ETV6: variants seen among roughly 807,000 people sequenced by gnomAD.
The protein encoded by ETV6 is ETS variant transcription factor 6.
Under a neutral mutation model 51.1 loss-of-function variants are expected in ETV6, and 16 were observed. The observed-to-expected ratio is 0.31, with a 90% CI of 0.21 to 0.48. The LOEUF is 0.48. Ranked by LOEUF, ETV6 falls within the 20% of genes least tolerant of loss-of-function variation. The pLI is 0.99. For synonymous variants in ETV6, 240 were observed against 224.1 expected (o/e 1.07, Z -0.64); for missense variants, 458 against 594.8 (o/e 0.77, Z 2.39).
At chr12:11,875,933 C>T (rs530345079) in intron 5 of ETV6, among the ~76,000 whole-genome samples, 6 of 152,304 alleles carry the variant, frequency 3.9e-5, no homozygotes, top group African/African-American at 1.2e-4. Flanking sequence ...ACACCTAAAA[C>T]ATTTATTAGT....
At chr12:11,705,457 A>G (rs1865056933) in intron 1 of ETV6, among the ~76,000 whole-genome samples, 1 of 152,198 alleles carries the variant, frequency 6.6e-6, no homozygotes, top group Non-Finnish European at 1.5e-5. Flanking sequence ...CGATTAGATT[A>G]TCTGCATTGG....
At chr12:11,809,802 A>C (rs1308448885) in intron 2 of ETV6, among the ~76,000 whole-genome samples, 1 of 142,510 alleles carries the variant, frequency 7.0e-6, no homozygotes, top group Non-Finnish European at 1.5e-5. Flanking sequence ...GGGAGGGAAT[A>C]GAGCTTCTGC....
intron 2 of ETV6, among the ~76,000 whole-genome samples, chr12:11,817,614 G>A (rs533789632): frequency 2.0e-5 from 3 of 152,226 alleles, no homozygotes; most frequent in South Asian, 2.1e-4. Flanking sequence ...TGTAGGGTAC[G>A]TTCCATTTTA....
intron 2 of ETV6, among the ~76,000 whole-genome samples, chr12:11,824,514 C>T (rs1946125609): frequency 6.6e-6 from 1 of 152,288 alleles, no homozygotes; most frequent in Admixed American, 6.5e-5. Context: ...CATGGTGGCT[C>T]ACGCCTATAA....
intron 2 of ETV6, among the ~76,000 whole-genome samples, chr12:11,785,415 A>C (rs1945471646): frequency 6.6e-6 from 1 of 152,078 alleles, no homozygotes; most frequent in Non-Finnish European, 1.5e-5. Context: ...CATTTGACAC[A>C]GTGTATATTT....
intron 4 of ETV6, among the ~76,000 whole-genome samples, chr12:11,857,490 A>AT (rs1946649260): frequency 6.6e-6 from 1 of 152,124 alleles, no homozygotes; most frequent in Non-Finnish European, 1.5e-5. Flanking sequence ...AAAAACCAGC[A>AT]TTTTCACTCT....
intron 1 of ETV6, among the ~76,000 whole-genome samples, chr12:11,686,674 T>C (rs1864635157): frequency 6.6e-6 from 1 of 151,762 alleles, no homozygotes; most frequent in Non-Finnish European, 1.5e-5. Context: ...ACTACAGGCA[T>C]GTGCCGCCAC....
chr12:11,687,966 C>G (rs922183441), intron 1 of ETV6, among the ~76,000 whole-genome samples: 2 of 152,216 alleles, frequency 1.3e-5, no homozygotes, highest in Non-Finnish European at 2.9e-5. Context: ...TACAGGTATT[C>G]GCTCATTTAT....
intron 2 of ETV6, among the ~76,000 whole-genome samples, chr12:11,792,642 G>T (rs1208791004): frequency 2.6e-5 from 4 of 151,326 alleles, no homozygotes; most frequent in Non-Finnish European, 5.9e-5. Context: ...AGCTGAGATT[G>T]TGCCACTGCA....
intron 2 of ETV6, among the ~76,000 whole-genome samples, chr12:11,755,363 A>C (rs1944991370): frequency 6.6e-6 from 1 of 152,110 alleles, no homozygotes; most frequent in South Asian, 2.1e-4. Context: ...CTGAATGCCT[A>C]CTCTATGGCA....
intron 1 of ETV6, among the ~76,000 whole-genome samples, chr12:11,740,747 A>G (rs774249143): frequency 5.3e-5 from 8 of 152,242 alleles, no homozygotes; most frequent in Non-Finnish European, 7.3e-5. Flanking sequence ...CGGGTTCTTG[A>G]GTAAACTACT....
intron 3 of ETV6, among the ~76,000 whole-genome samples, chr12:11,848,031 G>A (rs949439079): frequency 1.4e-4 from 22 of 152,184 alleles, no homozygotes; most frequent in Admixed American, 7.9e-4. Context: ...TAAAACTTAC[G>A]CATGTGCTTT....
chr12:11,751,836 A>T (rs2724599), intron 1 of ETV6: 190,479 of 489,792 alleles, frequency 0.39, 39,618 homozygotes, highest in African/African-American at 0.55. Context: ...GATAATTCCT[A>T]GCAATGAAGG....
intron 2 of ETV6, among the ~76,000 whole-genome samples, chr12:11,820,353 C>A (rs1946057940): frequency 6.6e-6 from 1 of 152,114 alleles, no homozygotes; most frequent in Non-Finnish European, 1.5e-5. Flanking sequence ...GGGGATATAG[C>A]AGGAATCCAA....
chr12:11,706,322 A>G (rs1384396726), intron 1 of ETV6, among the ~76,000 whole-genome samples: 1 of 152,258 alleles, frequency 6.6e-6, no homozygotes, highest in Non-Finnish European at 1.5e-5. Flanking sequence ...ATAGATGCAC[A>G]GAGGTTAAGT....
chr12:11,836,695 C>T (rs929751091), intron 2 of ETV6, among the ~76,000 whole-genome samples: 2 of 152,148 alleles, frequency 1.3e-5, no homozygotes, highest in Non-Finnish European at 2.9e-5. Flanking sequence ...CCCCCACCCC[C>T]TTCTCACCCA....
chr12:11,672,546 C>G (rs771168473), intron 1 of ETV6, among the ~76,000 whole-genome samples: 2 of 152,204 alleles, frequency 1.3e-5, no homozygotes, highest in African/African-American at 2.4e-5. Flanking sequence ...ATGGCTGATA[C>G]AGTTGTCCTC....
At chr12:11,822,491 T>C (rs964414613) in intron 2 of ETV6, among the ~76,000 whole-genome samples, 1 of 152,224 alleles carries the variant, frequency 6.6e-6, no homozygotes, top group African/African-American at 2.4e-5. Flanking sequence ...ATATACCCTT[T>C]ACTGTTCACA....
intron 7 of ETV6, among the ~76,000 whole-genome samples, chr12:11,888,566 C>T (rs1463056507): frequency 6.6e-6 from 1 of 152,098 alleles, no homozygotes; most frequent in Admixed American, 6.5e-5. Flanking sequence ...CCACACCTGA[C>T]TAATTTTTGT....
Sources: allele counts gnomAD v4.1 joint callset (sites outside exome capture counted in the v4.1 genomes callset), GRCh38; gene constraint gnomAD v4.1.1; transcripts MANE v1.5; gene names NCBI Gene and HGNC (gene_info 2026-07-23, HGNC 2026-07-21).